Variants in PTPRM observed in about 807,000 individuals in gnomAD.
PTPRM encodes the protein receptor-type tyrosine-protein phosphatase mu.
A neutral mutation model predicts 186.7 loss-of-function variants in PTPRM; 47 were observed. That is an observed-to-expected ratio of 0.25 (90% CI 0.20 to 0.32). The LOEUF (loss-of-function observed/expected upper bound fraction) is 0.32, where lower values mean the gene tolerates loss of function less well. PTPRM is among the 10% of genes least tolerant of loss of function. The pLI is 1.00. For synonymous variants in PTPRM, 668 were observed against 674.9 expected, an observed-to-expected ratio of 0.99 and a Z score of 0.16; for missense variants, 1,494 against 1,865.0, an observed-to-expected ratio of 0.80 and a Z score of 3.66.
intron 21 of PTPRM, among the ~76,000 whole-genome samples, chr18:8,318,574 A>G (rs1156297056): frequency 6.6e-6 from 1 of 152,128 alleles, no homozygotes; most frequent in Non-Finnish European, 1.5e-5. Flanking sequence ...CTGGGATCAC[A>G]GGCATCAACC....
intron 14 of PTPRM, among the ~76,000 whole-genome samples, chr18:8,169,297 T>C (rs538799184): frequency 6.6e-6 from 1 of 151,012 alleles, no homozygotes; most frequent in African/African-American, 2.4e-5. Flanking sequence ...TGTTAACAAA[T>C]GGCTGCCCAA....
At chr18:8,265,873 G>T (rs561064413) in intron 19 of PTPRM, among the ~76,000 whole-genome samples, 89 of 152,316 alleles carry the variant, frequency 5.8e-4, no homozygotes, top group African/African-American at 2.0e-3. Flanking sequence ...TCTCCTTAGA[G>T]ATGCTGGATT....
rs554460130 is a variant in PTPRM at position 8,267,478 on chromosome 18, A to G, written c.2754+14064A>G. 2.0e-4 allele frequency among the ~76,000 whole-genome samples: 31 copies of G among 152,312 alleles called. 1 individual carries two copies. The highest frequency in any genetic ancestry group is 7.2e-4 in the African/African-American group (30 of 41,592). On this transcript the variant is annotated intron_variant, in intron 19 of 32. Coordinates refer to ENST00000580170, the MANE Select transcript of PTPRM (RefSeq NM_001105244.2). ...ACCTATAACTCACTATCAATTTTCA[A>G]TAATTTTCTGCCTAATATTTTAAGG...
intron 2 of PTPRM, among the ~76,000 whole-genome samples, chr18:7,845,749 C>T (rs1270584849): frequency 6.6e-6 from 1 of 152,122 alleles, no homozygotes; most frequent in African/African-American, 2.4e-5. Context: ...TCCAGAGTCT[C>T]TGTGGTGGTC....
intron 2 of PTPRM, among the ~76,000 whole-genome samples, chr18:7,872,817 G>T (rs1428719894): frequency 6.6e-6 from 1 of 152,066 alleles, no homozygotes; most frequent in African/African-American, 2.4e-5. Context: ...TCTTCTCTTG[G>T]GTTGTGTAAG....
chr18:8,001,904 A>G (rs2083896102), intron 7 of PTPRM, among the ~76,000 whole-genome samples: 1 of 152,214 alleles, frequency 6.6e-6, no homozygotes, highest in Admixed American at 6.5e-5. Context: ...CTAGCACAAC[A>G]TTCACTGTCA....
intron 2 of PTPRM, among the ~76,000 whole-genome samples, chr18:7,885,899 C>T (rs2048759383): frequency 6.6e-6 from 1 of 152,058 alleles, no homozygotes; most frequent in South Asian, 2.1e-4. Flanking sequence ...TAGAAAGGTA[C>T]CCAGTTTATG....
At chr18:8,097,415 C>A (rs2091065833) in intron 11 of PTPRM, among the ~76,000 whole-genome samples, 1 of 152,110 alleles carries the variant, frequency 6.6e-6, no homozygotes, top group Non-Finnish European at 1.5e-5. Flanking sequence ...ATTTTCCACT[C>A]AATGAGAAGT....
chr18:7,842,947 T>TATATATATATAGAGAG (rs370746043), intron 2 of PTPRM, among the ~76,000 whole-genome samples: 147 of 112,092 alleles, frequency 1.3e-3, no homozygotes, highest in African/African-American at 5.1e-3. Flanking sequence ...TATATATATA[T>TATATATATATAGAGAG]AGAGAGAGAG....
chr18:8,050,586 G>A (rs2087418749), intron 7 of PTPRM, among the ~76,000 whole-genome samples: 1 of 151,862 alleles, frequency 6.6e-6, no homozygotes, highest in Non-Finnish European at 1.5e-5. Flanking sequence ...CATAAGTTCT[G>A]AAATTGTTAA....
chr18:7,919,867 G>A (rs1164972095), intron 4 of PTPRM, among the ~76,000 whole-genome samples: 1 of 151,974 alleles, frequency 6.6e-6, no homozygotes, highest in Admixed American at 6.6e-5. Context: ...ATATACTTGG[G>A]AGCTCTGGTG....
intron 19 of PTPRM, among the ~76,000 whole-genome samples, chr18:8,273,125 A>G (rs1453088602): frequency 6.6e-6 from 1 of 152,194 alleles, no homozygotes; most frequent in Non-Finnish European, 1.5e-5. Flanking sequence ...ATTTCAATCA[A>G]GTCTCACAGC....
At chr18:7,651,416 C>T in intron 1 of PTPRM, among the ~76,000 whole-genome samples, 1 of 152,124 alleles carries the variant, frequency 6.6e-6, no homozygotes, top group East Asian at 1.9e-4. Flanking sequence ...AGGGTTCATA[C>T]CCACCAAAAA....
Position 7,668,356 on chromosome 18 carries a change from C to T in PTPRM, c.73+100465C>T, listed in dbSNP as rs1252990288. Among the ~76,000 whole-genome samples, 3 of 152,224 alleles carry T rather than the reference C, an allele frequency of 2.0e-5. No individual in the cohort carries two copies. The highest frequency in any genetic ancestry group is 4.8e-5 in the African/African-American group (2 of 41,456). On this transcript the variant is annotated intron_variant, in intron 1 of 32. Transcript: ENST00000580170. This position sits in a 1 kb window ranked among gnomAD's most constrained non-coding sequence, Gnocchi z 4.7. ...CTTTTCTCTCTCAGCCCAGAGCAGA[C>T]ACCATTATTCTTATCTTTGTCTTGT... is the stretch of plus-strand genomic sequence containing the variant.
intron 11 of PTPRM, among the ~76,000 whole-genome samples, chr18:8,092,282 C>T (rs1441047269): frequency 6.6e-6 from 1 of 152,032 alleles, no homozygotes; most frequent in Non-Finnish European, 1.5e-5. Context: ...CCTGAGATGG[C>T]CAAGAAGAAC....
intron 15 of PTPRM, among the ~76,000 whole-genome samples, chr18:8,245,448 A>C (rs572048542): frequency 1.3e-5 from 2 of 152,026 alleles, no homozygotes; most frequent in Non-Finnish European, 1.5e-5. Context: ...TGTCATTTTC[A>C]GTGCAGGAAA....
At chr18:8,379,136 T>G (rs1481001241) in intron 27 of PTPRM, 31 bp from the exon 28 acceptor site, 4 of 1,542,678 alleles carry the variant, frequency 2.6e-6, no homozygotes, top group Non-Finnish European at 2.6e-6. Context: ...CAAGGCTTCT[T>G]GTCCTCATGT....
intron 7 of PTPRM, among the ~76,000 whole-genome samples, chr18:8,036,619 A>G (rs2086347831): frequency 6.6e-6 from 1 of 152,206 alleles, no homozygotes; most frequent in East Asian, 1.9e-4. Flanking sequence ...GCACTCAGCT[A>G]TACACAGATT....
intron 5 of PTPRM, among the ~76,000 whole-genome samples, chr18:7,927,301 A>T (rs1329957573): frequency 1.3e-5 from 2 of 152,084 alleles, no homozygotes; most frequent in Non-Finnish European, 2.9e-5. Flanking sequence ...TGTCCCTTCT[A>T]ACCAGAATGC....
Sources: gnomAD v4.1 joint callset for allele counts (sites outside exome capture counted in the v4.1 genomes callset) on GRCh38, gnomAD v4.1.1 for gene constraint, Gnocchi (gnomAD v3.1) non-coding constraint, MANE v1.5 for transcripts, NCBI Gene and HGNC (gene_info 2026-07-23, HGNC 2026-07-21) for gene names.